GRIA3: variants seen among roughly 807,000 people sequenced by gnomAD.
GRIA3 encodes the protein glutamate ionotropic receptor AMPA type subunit 3, also known as glutamate receptor 3.
In GRIA3, 3 loss-of-function variants were observed where a neutral mutation model predicts 63.0. The observed-to-expected ratio is 0.05, with a 90% CI of 0.02 to 0.12. The LOEUF is 0.12. GRIA3 is among the 10% of genes least tolerant of loss of function. The pLI, the probability that GRIA3 is intolerant of heterozygous loss-of-function variation, is 1.00. For missense variants in GRIA3, 347 were observed against 700.9 expected (o/e 0.50, Z 5.70); for synonymous variants, 274 against 257.9 (o/e 1.06, Z -0.60).
At chrX:123,230,510 G>A (rs1317795930) in intron 2 of GRIA3, among the ~76,000 whole-genome samples, 1 of 111,394 alleles carries the variant, frequency 9.0e-6, no homozygotes, top group Non-Finnish European at 1.9e-5. Flanking sequence ...TGAGTAGGCT[G>A]GTGGGGGAGA....
chrX:123,366,086 A>G (rs969199534), intron 5 of GRIA3, among the ~76,000 whole-genome samples: 5 of 111,529 alleles, frequency 4.5e-5, no homozygotes, highest in African/African-American at 1.3e-4. Context: ...GAGTGTAGCA[A>G]TGAGGACAAC....
intron 2 of GRIA3, among the ~76,000 whole-genome samples, chrX:123,250,550 T>C (rs1412419670): frequency 1.8e-5 from 2 of 111,795 alleles, no homozygotes; most frequent in Non-Finnish European, 3.8e-5. Context: ...ACTGAAAATA[T>C]GTTGCATTTT....
At position 123,346,386 on chromosome X, in the gene GRIA3, C is replaced by T. The variant is rs746802103; in HGVS notation, c.697-8524C>T. Among the ~76,000 whole-genome samples the T allele has an allele frequency of 4.5e-5, 5 of 111,918 alleles. No homozygotes were observed. The South Asian group carries it at 1.9e-3, about 42-fold the overall frequency. On this transcript the variant is annotated intron_variant, in intron 4 of 15. Transcript: ENST00000620443. ...GTCACCACTCCAATTCTTATGGAGT[C>T]AGCCCTGGATACCATCACACCAAAT... is the stretch of plus-strand genomic sequence containing the variant.
At chrX:123,481,462 A>G (rs2045912363) in intron 14 of GRIA3, among the ~76,000 whole-genome samples, 1 of 112,102 alleles carries the variant, frequency 8.9e-6, no homozygotes, top group African/African-American at 3.2e-5. Flanking sequence ...ACTGGCTTCT[A>G]TGAAAATGGG....
chrX:123,309,272 G>A (rs1159488472), intron 3 of GRIA3, among the ~76,000 whole-genome samples: 3 of 109,256 alleles, frequency 2.7e-5, no homozygotes, highest in Non-Finnish European at 5.7e-5. Context: ...CTGTAGTCCC[G>A]AGAGGTGGAG....
chrX:123,440,606 T>C (rs2045669012), intron 12 of GRIA3, among the ~76,000 whole-genome samples: 1 of 112,871 alleles, frequency 8.9e-6, no homozygotes, highest in Admixed American at 9.3e-5. Flanking sequence ...TTTCGAAAAG[T>C]GTCTTTTCAT....
At chrX:123,309,230 C>CA (rs989905265) in intron 3 of GRIA3, among the ~76,000 whole-genome samples, 6 of 110,721 alleles carry the variant, frequency 5.4e-5, no homozygotes, top group Admixed American at 9.6e-5. Flanking sequence ...ACTAAAAATA[C>CA]AAAAAAATTA....
intron 12 of GRIA3, among the ~76,000 whole-genome samples, chrX:123,454,840 T>C (rs1163869216): frequency 1.8e-5 from 2 of 111,741 alleles, no homozygotes; most frequent in East Asian, 5.6e-4. Flanking sequence ...TTCAACCCAT[T>C]GGAATATGCT....
chrX:123,329,358 A>G, intron 4 of GRIA3, among the ~76,000 whole-genome samples: 1 of 112,251 alleles, frequency 8.9e-6, no homozygotes, highest in East Asian at 2.8e-4. Context: ...TCTTCAACAT[A>G]GTGTTATATA....
intron 2 of GRIA3, among the ~76,000 whole-genome samples, chrX:123,225,944 T>C (rs2044244261): frequency 8.9e-6 from 1 of 111,876 alleles, no homozygotes; most frequent in Non-Finnish European, 1.9e-5. Flanking sequence ...CCCAAAAGAT[T>C]ATCTTTCACA....
intron 3 of GRIA3, among the ~76,000 whole-genome samples, chrX:123,265,753 C>T (rs752401012): frequency 4.5e-5 from 5 of 112,220 alleles, no homozygotes; most frequent in Non-Finnish European, 7.5e-5. Flanking sequence ...AATAACCAGC[C>T]ACATTGGCTT....
At position 123,346,775 on chromosome X, in the gene GRIA3, A is replaced by G. The variant is rs760970834; in HGVS notation, c.697-8135A>G. On this transcript the variant is annotated intron_variant, in intron 4 of 15. Coordinates refer to ENST00000620443, the MANE Select transcript of GRIA3 (RefSeq NM_007325.5). ...TGTGAGATCCTCCAGGCTAAGGACC[A>G]GGTTACTGTGACCTCTGTATCTCCA... is the stretch of plus-strand genomic sequence containing the variant. 2.7e-5 allele frequency among the ~76,000 whole-genome samples: 3 copies of G among 112,275 alleles called. No homozygotes were observed. In the East Asian group the frequency reaches 8.4e-4, roughly 31 times the overall value.
chrX:123,267,944 G>C (rs1298956799), intron 3 of GRIA3, among the ~76,000 whole-genome samples: 1 of 111,042 alleles, frequency 9.0e-6, no homozygotes, highest in East Asian at 2.8e-4. Flanking sequence ...GCAGAAATAT[G>C]AGTGGATGGG....
chrX:123,438,259 C>T (rs1002346501), intron 12 of GRIA3, among the ~76,000 whole-genome samples: 2 of 112,220 alleles, frequency 1.8e-5, no homozygotes, highest in African/African-American at 6.5e-5. Context: ...TTGTGTCTGG[C>T]ATATTTCACT....
chrX:123,233,392 T>C (rs755218517), intron 2 of GRIA3, among the ~76,000 whole-genome samples: 1 of 112,107 alleles, frequency 8.9e-6, no homozygotes, highest in East Asian at 2.8e-4. Context: ...TGACATATGC[T>C]AGCTATGTTG....
chrX:123,253,499 T>C lies in GRIA3; in HGVS notation c.465T>C (p.His155=). ...LKGAILSLLG[H]YKWEKFVYLY... Reference sequence around the variant, plus strand: ...GCGCTATTCTGAGTCTTCTGGGTCATTACAAGTGGGAGAAGTTTGTGTACC... The same window carrying C: ...GCGCTATTCTGAGTCTTCTGGGTCACTACAAGTGGGAGAAGTTTGTGTACC... Residue 155 remains histidine, a synonymous_variant, in exon 3 of 16, where the codon CAT becomes CAC. Coordinates refer to ENST00000620443, the MANE Select transcript of GRIA3 (RefSeq NM_007325.5). 8.3e-7 allele frequency: 1 copy of C among 1,208,821 alleles called. No homozygotes were observed. Among genetic ancestry groups the C allele is most frequent in the Non-Finnish European group, 1.1e-6 (1 of 892,990 alleles).
chrX:123,374,039 G>A (rs1252518057), intron 5 of GRIA3, among the ~76,000 whole-genome samples: 3 of 111,902 alleles, frequency 2.7e-5, no homozygotes, highest in Admixed American at 9.5e-5. Context: ...TGTATAGGGT[G>A]TAAGGAAGGG....
chrX:123,326,741 C>A (rs1468563992), intron 4 of GRIA3, among the ~76,000 whole-genome samples: 1 of 111,405 alleles, frequency 9.0e-6, no homozygotes, highest in Non-Finnish European at 1.9e-5. Context: ...TACATTTTTG[C>A]AGATTATCCC....
chrX:123,184,764 C>G (rs1318834248), intron 1 of GRIA3, 120 bp downstream of exon 1: 32 of 304,492 alleles, frequency 1.1e-4, no homozygotes, highest in Non-Finnish European at 1.7e-4. Flanking sequence ...GGACTGGGGC[C>G]GGGACCGGGC....
Sources: gnomAD v4.1 joint callset for allele counts (sites outside exome capture counted in the v4.1 genomes callset) on GRCh38, gnomAD v4.1.1 for gene constraint, MANE v1.5 for transcripts, NCBI Gene and HGNC (gene_info 2026-07-23, HGNC 2026-07-21) for gene names.